NAA35: variants seen among roughly 807,000 people sequenced by gnomAD.
NAA35 encodes N-alpha-acetyltransferase 35, NatC auxiliary subunit.
In NAA35, 18 loss-of-function variants were observed where a neutral mutation model predicts 101.7. The ratio of observed to expected loss-of-function variants is 0.18; its 90% confidence interval spans 0.12 to 0.26. The LOEUF (loss-of-function observed/expected upper bound fraction) is 0.26. NAA35 is among the 10% of genes least tolerant of loss of function. The pLI is 1.00. For synonymous variants in NAA35, 267 were observed against 273.1 expected (o/e 0.98, Z 0.22); for missense variants, 601 against 886.8 (o/e 0.68, Z 4.09).
intron 2 of NAA35, among the ~76,000 whole-genome samples, chr9:85,953,562 A>G (rs1045607924): frequency 1.3e-5 from 2 of 152,058 alleles, no homozygotes; most frequent in African/African-American, 4.8e-5. Context: ...AGTAGCTGGG[A>G]CTACAGGCAC....
At chr9:86,019,921 A>C (rs1052421271) in intron 21 of NAA35, among the ~76,000 whole-genome samples, 1 of 152,226 alleles carries the variant, frequency 6.6e-6, no homozygotes, top group African/African-American at 2.4e-5. Flanking sequence ...AGTATCCATC[A>C]ACAGGGGACT....
At chr9:86,010,944 ATAAAAT>A (rs1158082077) in intron 15 of NAA35, among the ~76,000 whole-genome samples, 7 of 151,702 alleles carry the variant, frequency 4.6e-5, no homozygotes, top group Non-Finnish European at 7.4e-5. Context: ...CTGAGTTATA[ATAAAAT>A]TAAAATTATT....
intron 2 of NAA35, among the ~76,000 whole-genome samples, chr9:85,943,780 T>C (rs1828630613): frequency 6.6e-6 from 1 of 152,140 alleles, no homozygotes. Context: ...TAGGGAAGGT[T>C]TTTGAAGGTT....
intron 6 of NAA35, chr9:85,966,557 TTTC>T: frequency 1.9e-6 from 2 of 1,037,016 alleles, no homozygotes; most frequent in Non-Finnish European, 2.5e-6. Flanking sequence ...TTTTTCTTTC[TTTC>T]TTTTTTTTTT....
chr9:85,958,601 A>C lies in NAA35; in HGVS notation c.273+15A>C, dbSNP rs1829375321. The C allele has an allele frequency of 2.0e-6, 3 of 1,533,256 alleles. No individual in the cohort carries two copies. The highest frequency in any genetic ancestry group is 2.8e-5 in the African/African-American group (2 of 72,632). The allele number at this position is 1,533,256 out of a possible 1,614,324, so 95.0% of individuals were successfully genotyped here. A position where few individuals can be genotyped will look rare whatever the true frequency, so the allele number is the denominator to read the frequency against. On this transcript the variant is annotated intron_variant, in intron 4 of 22. Coordinates refer to ENST00000361671, the MANE Select transcript of NAA35 (RefSeq NM_024635.4). Reference sequence around the variant, plus strand: ...AAGCTATCAAGGTAGTTACCATTGTACTTTTTGTGTTTCCATTTATCTTTT... The same window carrying C: ...AAGCTATCAAGGTAGTTACCATTGTCCTTTTTGTGTTTCCATTTATCTTTT...
intron 12 of NAA35, among the ~76,000 whole-genome samples, chr9:86,000,647 A>G (rs1431403396): frequency 6.6e-6 from 1 of 152,042 alleles, no homozygotes; most frequent in Non-Finnish European, 1.5e-5. Flanking sequence ...GTGTCCAGGA[A>G]TTTATCCATC....
chr9:85,990,648 G>A (rs1830861594), intron 11 of NAA35, among the ~76,000 whole-genome samples: 1 of 152,168 alleles, frequency 6.6e-6, no homozygotes. Context: ...TCTGATTCTT[G>A]CTCTTCTTTC....
In NAA35 at chr9:86,007,354, T is replaced by G. The variant is rs551040993; in HGVS notation, c.1117-4T>G. 22 of 1,608,160 alleles carry G rather than the reference T, an allele frequency of 1.4e-5. No individual in the cohort carries two copies. The South Asian group carries it at 2.4e-4, about 18-fold the overall frequency. ...CGTAACTAATATATAACATTTGTTT[T>G]AAGACCACTTTCCTGGTGGATAACA... On this transcript the variant is annotated splice_polypyrimidine_tract_variant and splice_region_variant and intron_variant, in intron 13 of 22. Coordinates refer to ENST00000361671, the MANE Select transcript of NAA35 (RefSeq NM_024635.4).
chr9:85,981,552 T>G (rs1037264736), intron 11 of NAA35, among the ~76,000 whole-genome samples: 8 of 152,182 alleles, frequency 5.3e-5, no homozygotes, highest in African/African-American at 1.9e-4. Context: ...AGACCAGTGT[T>G]AAAAATAGCT....
At chr9:85,947,981 A>G (rs1471144311) in intron 2 of NAA35, among the ~76,000 whole-genome samples, 1 of 152,154 alleles carries the variant, frequency 6.6e-6, no homozygotes, top group Admixed American at 6.5e-5. Context: ...AATCACGTAT[A>G]ATATATCTTG....
At position 86,020,942 on chromosome 9, in the gene NAA35, G is replaced by A. The variant is rs753291172; in HGVS notation, c.2091G>A (p.Leu697=). 14 of 1,612,120 alleles carry A rather than the reference G, an allele frequency of 8.7e-6. No homozygotes were observed. In the East Asian group the frequency reaches 3.1e-4, roughly 36 times the overall value. Residue 697 remains leucine (L), a synonymous_variant, in exon 22 of 23, where the codon TTG becomes TTA. Transcript: ENST00000361671. The part of the protein sequence containing the change: ...AKPNFVVMKL[L]AGGHKKESKV... ...CCAACTTTGTGGTTATGAAGTTATTGGCAGGAGGACACAAAAAGGAATCTA... is the reference window on the plus strand; with the variant it reads ...CCAACTTTGTGGTTATGAAGTTATTAGCAGGAGGACACAAAAAGGAATCTA...
At chr9:85,974,831 A>G in intron 6 of NAA35, 136 bp from the exon 7 acceptor site, 1 of 631,144 alleles carries the variant, frequency 1.6e-6, no homozygotes. Context: ...ATATTTAGAC[A>G]AGCAGGATGA....
chr9:85,969,828 C>T (rs1390852277), intron 6 of NAA35, among the ~76,000 whole-genome samples: 3 of 150,878 alleles, frequency 2.0e-5, no homozygotes, highest in African/African-American at 7.3e-5. Flanking sequence ...GCACTCCACT[C>T]CAGTCTGGAT....
At chr9:86,001,139 A>G (rs1319410723) in intron 12 of NAA35, among the ~76,000 whole-genome samples, 4 of 152,228 alleles carry the variant, frequency 2.6e-5, no homozygotes, top group African/African-American at 9.6e-5. Flanking sequence ...TAATTTCATT[A>G]TTTACCCAAA....
intron 6 of NAA35, among the ~76,000 whole-genome samples, chr9:85,968,367 C>T (rs1019070682): frequency 6.6e-6 from 1 of 152,124 alleles, no homozygotes; most frequent in African/African-American, 2.4e-5. Flanking sequence ...CCCACCACCA[C>T]ACCTGGCTAA....
intron 2 of NAA35, among the ~76,000 whole-genome samples, chr9:85,948,527 T>G (rs1316432597): frequency 6.6e-6 from 1 of 152,188 alleles, no homozygotes; most frequent in Non-Finnish European, 1.5e-5. Context: ...GTGTCTTTTC[T>G]CTCTTGTTGT....
chr9:85,988,526 G>A (rs1034081366), intron 11 of NAA35, among the ~76,000 whole-genome samples: 4 of 152,276 alleles, frequency 2.6e-5, no homozygotes, highest in East Asian at 3.9e-4. Flanking sequence ...AGGGCCGGGC[G>A]TGGTGGCTTA....
chr9:85,942,373 A>G (rs1236884279), intron 2 of NAA35, 90 bp downstream of exon 2: 5 of 1,525,458 alleles, frequency 3.3e-6, no homozygotes, highest in African/African-American at 1.4e-5. Flanking sequence ...AGATGAAATC[A>G]ACAGGTAAAT....
intron 11 of NAA35, among the ~76,000 whole-genome samples, chr9:85,992,104 G>A (rs549809426): frequency 7.9e-5 from 12 of 151,554 alleles, no homozygotes; most frequent in Admixed American, 2.6e-4. Flanking sequence ...AACCCAGGAC[G>A]CAGAGCTTGC....
Sources: gnomAD v4.1 joint callset for allele counts (sites outside exome capture counted in the v4.1 genomes callset) on GRCh38, gnomAD v4.1.1 for gene constraint, MANE v1.5 for transcripts, NCBI Gene and HGNC (gene_info 2026-07-23, HGNC 2026-07-21) for gene names.